The following CRYBB2 variants were observed in gnomAD, a reference collection of about 807,000 sequenced individuals.
CRYBB2 encodes crystallin beta B2, also known as beta-crystallin B2.
A neutral mutation model predicts 24.3 loss-of-function variants in CRYBB2; 12 were observed. That is an observed-to-expected ratio of 0.49 (90% CI 0.32 to 0.80). CRYBB2 has a LOEUF of 0.80. Among genes scored for constraint, CRYBB2 ranks in the 30% least tolerant of loss-of-function variants. CRYBB2 has a pLI of 0.04. For missense variants in CRYBB2, 198 were observed against 268.5 expected, an observed-to-expected ratio of 0.74 and a Z score of 1.83; for synonymous variants, 98 against 101.6, an observed-to-expected ratio of 0.96 and a Z score of 0.21.
At chr22:25,222,110 A>G (rs574003197) in intron 2 of CRYBB2, among the ~76,000 whole-genome samples, 1 of 152,274 alleles carries the variant, frequency 6.6e-6, no homozygotes, top group South Asian at 2.1e-4. Context: ...TCAAACCTCT[A>G]TCTAGGCACG....
chr22:25,218,856 GA>G (rs1355557890), upstream of CRYBB2, among the ~76,000 whole-genome samples: 5 of 145,646 alleles, frequency 3.4e-5, no homozygotes, highest in African/African-American at 1.3e-4. Context: ...AAGAAAGAAA[GA>G]AAAGAAAGAG....
chr22:25,221,340 C>A, intron 1 of CRYBB2, 64 bp from the exon 2 acceptor site: 3 of 971,362 alleles, frequency 3.1e-6, no homozygotes, highest in Non-Finnish European at 3.4e-6. Context: ...GGTCTCAAGG[C>A]CCCACAGAGT....
chr22:25,229,459 C>T lies in CRYBB2; in HGVS notation c.330C>T (p.Ile110=). ...IKVDSQEHKI[I]LYENPNFTGK... ...AGGACAGCCAAGAGCACAAGATCAT[C>T]CTCTATGAAAACCCCAACTTCACCG... The change falls in exon 5 of 6, where the codon ATC becomes ATT. Residue 110 remains isoleucine, a synonymous_variant. Transcript: ENST00000398215. 1.2e-6 allele frequency: 2 copies of T among 1,612,324 alleles called. No homozygotes were observed. Among genetic ancestry groups the T allele is most frequent in the Non-Finnish European group, 1.7e-6 (2 of 1,179,132 alleles).
chr22:25,224,040 C>T (rs576251999), intron 2 of CRYBB2, among the ~76,000 whole-genome samples: 78 of 150,718 alleles, frequency 5.2e-4, no homozygotes, highest in African/African-American at 1.7e-3. Flanking sequence ...AGGAGAATGG[C>T]GTGAACCCAG....
chr22:25,213,814 T>C (rs1471264455), intron 1 of CRYBB2: 1 of 152,174 alleles, frequency 6.6e-6, no homozygotes, highest in East Asian at 1.9e-4. Context: ...AAATAAATTA[T>C]ATGCACCTGA....
exon 1 of CRYBB2, among the ~76,000 whole-genome samples, chr22:25,212,582 C>A (rs944296174): frequency 6.6e-6 from 1 of 152,188 alleles, no homozygotes; most frequent in Admixed American, 6.5e-5. Context: ...GCCTTTCCGT[C>A]GGACATCTTT....
In CRYBB2 at chr22:25,224,999, G is replaced by A. The variant is rs778566315; in HGVS notation, c.136G>A (p.Val46Met). 8.7e-5 allele frequency: 141 copies of A among 1,612,562 alleles called. 1 individual carries two copies. In the Admixed American group the frequency reaches 1.5e-3, roughly 17 times the overall value. ...GPCPNLKETG[V>M]EKAGSVLVQA... Reference sequence around the variant, plus strand: ...CTGCCCCAACCTGAAGGAAACTGGCGTGGAGAAGGCAGGTTCTGTCCTAGT... The same window carrying A: ...CTGCCCCAACCTGAAGGAAACTGGCATGGAGAAGGCAGGTTCTGTCCTAGT... Residue 46 changes from valine (V) to methionine (M), a missense_variant, in exon 3 of 6, where the codon GTG becomes ATG. Physicochemically the swap from Val to Met is conservative, Grantham distance 21. Transcript: ENST00000398215.
upstream of CRYBB2, among the ~76,000 whole-genome samples, chr22:25,217,946 G>A (rs1169790811): frequency 6.6e-6 from 1 of 152,108 alleles, no homozygotes; most frequent in Non-Finnish European, 1.5e-5. Context: ...GGGCTGCAAG[G>A]AAGGTGTGTG....
At chr22:25,217,285 T>C (rs964861494), upstream of CRYBB2, among the ~76,000 whole-genome samples, 10 of 152,134 alleles carry the variant, frequency 6.6e-5, no homozygotes, top group African/African-American at 2.4e-4. Flanking sequence ...GACACTTTAT[T>C]ACAGCAGCCC....
At chr22:25,220,990 C>T (rs1169461074) in intron 1 of CRYBB2, among the ~76,000 whole-genome samples, 1 of 152,162 alleles carries the variant, frequency 6.6e-6, no homozygotes, top group African/African-American at 2.4e-5. Context: ...CACCACACCA[C>T]CAAATACAGC....
At chr22:25,214,664 GC>G (rs1205664894), upstream of CRYBB2, among the ~76,000 whole-genome samples, 1 of 152,196 alleles carries the variant, frequency 6.6e-6, no homozygotes, top group East Asian at 1.9e-4. Context: ...GCTACTGAGG[GC>G]TTCACATGAT....
rs1920983440 is a variant in CRYBB2, at chr22:25,231,673, C to A, written c.519C>A (p.Asp173Glu). The A allele has an allele frequency of 1.2e-6, 2 of 1,614,184 alleles. No homozygotes were observed. The highest frequency in any genetic ancestry group is 1.7e-6 in the Non-Finnish European group (2 of 1,180,022). Residue 173 changes from aspartate to glutamate, a missense_variant, in exon 6 of 6, where the codon GAC becomes GAA. Asp to Glu is a conservative substitution (Grantham distance 45, BLOSUM62 2). Coordinates refer to ENST00000398215, the MANE Select transcript of CRYBB2 (RefSeq NM_000496.3). ...TGCTGGAGAAGGGAGACTACAAGGA[C>A]AGCAGCGACTTTGGGGCCCCTCACC... ...QYLLEKGDYKDSSDFGAPHPQ... is the reference protein window; with the variant it reads ...QYLLEKGDYKESSDFGAPHPQ...
At chr22:25,226,042 G>A (rs1257593411) in intron 3 of CRYBB2, among the ~76,000 whole-genome samples, 1 of 151,938 alleles carries the variant, frequency 6.6e-6, no homozygotes, top group Non-Finnish European at 1.5e-5. Context: ...ATAACATTTA[G>A]TATTTTTATT....
upstream of CRYBB2, among the ~76,000 whole-genome samples, chr22:25,218,295 G>T (rs961329891): frequency 6.6e-6 from 1 of 150,672 alleles, no homozygotes; most frequent in African/African-American, 2.4e-5. Flanking sequence ...GTGAGTAAAG[G>T]CTGGGCACCC....
At chr22:25,227,515 C>T (rs1935441217) in intron 3 of CRYBB2, among the ~76,000 whole-genome samples, 2 of 150,518 alleles carry the variant, frequency 1.3e-5, no homozygotes, top group South Asian at 4.4e-4. Context: ...TGTTAATTTT[C>T]GTTTTGTTTT....
intron 4 of CRYBB2, 75 bp from the exon 5 acceptor site, chr22:25,229,361 G>A: frequency 1.3e-6 from 2 of 1,526,754 alleles, no homozygotes; most frequent in Non-Finnish European, 8.9e-7. Context: ...CAACTCTGGG[G>A]CATGAGCATG....
chr22:25,226,315 G>T (rs534611787), intron 3 of CRYBB2, among the ~76,000 whole-genome samples: 28 of 152,220 alleles, frequency 1.8e-4, no homozygotes, highest in African/African-American at 6.0e-4. Context: ...AGCATTTTAT[G>T]TTGGTGTTTT....
chr22:25,224,928 T>G lies in CRYBB2; in HGVS notation c.65T>G (p.Phe22Cys), dbSNP rs1935386309. ...PQSLNPKIII[F>C]EQENFQGHSH... is the part of the protein sequence containing the mutation. The stretch of plus-strand genomic sequence containing the variant: ...CGCTTCCTCTTGCAGATCATCATCT[T>G]TGAGCAGGAAAACTTTCAAGGCCAC... Residue 22 changes from phenylalanine (F) to cysteine (C), a missense_variant, in exon 3 of 6, where the codon TTT becomes TGT. Coordinates refer to ENST00000398215, the MANE Select transcript of CRYBB2 (RefSeq NM_000496.3). The G allele has an allele frequency of 6.3e-7, 1 of 1,585,280 alleles. No individual in the cohort carries two copies. The highest frequency in any genetic ancestry group is 1.3e-5 in the African/African-American group (1 of 74,360).
intron 3 of CRYBB2, among the ~76,000 whole-genome samples, 186 bp from the exon 4 acceptor site, chr22:25,227,667 C>G (rs1445624849): frequency 2.7e-5 from 4 of 150,428 alleles, no homozygotes; most frequent in Non-Finnish European, 5.9e-5. Context: ...CAGCATAGCA[C>G]TGAGTTCTAG....
Sources: allele counts gnomAD v4.1 joint callset (sites outside exome capture counted in the v4.1 genomes callset), GRCh38; gene constraint gnomAD v4.1.1; transcripts MANE v1.5; gene names NCBI Gene and HGNC (gene_info 2026-07-23, HGNC 2026-07-21).